Variants in EVI5 observed in about 807,000 individuals in gnomAD.
EVI5 encodes ecotropic viral integration site 5, also known as ecotropic viral integration site 5 protein homolog.
In EVI5, 73 loss-of-function variants were observed where a neutral mutation model predicts 112.0. The ratio of observed to expected loss-of-function variants is 0.65; its 90% CI spans 0.54 to 0.79. EVI5 has a LOEUF of 0.79. EVI5 is among the 30% of genes least tolerant of loss of function. The pLI is 0.00. For missense variants in EVI5, 900 were observed against 968.8 expected (o/e 0.93, Z 0.94); for synonymous variants, 305 against 319.9 (o/e 0.95, Z 0.50).
intron 1 of EVI5, among the ~76,000 whole-genome samples, chr1:92,746,761 G>T (rs912453584): frequency 2.0e-5 from 3 of 151,990 alleles, no homozygotes; most frequent in African/African-American, 7.3e-5. Flanking sequence ...GCCAGGCATG[G>T]TGGCGTGTGT....
At chr1:92,542,339 T>G (rs1664954625) in intron 19 of EVI5, among the ~76,000 whole-genome samples, 1 of 152,180 alleles carries the variant, frequency 6.6e-6, no homozygotes, top group Admixed American at 6.5e-5. Context: ...TTGCAGCAAT[T>G]CAGGCACATC....
chr1:92,529,961 A>G (rs1246523344), intron 19 of EVI5, among the ~76,000 whole-genome samples: 1 of 152,200 alleles, frequency 6.6e-6, no homozygotes, highest in Non-Finnish European at 1.5e-5. Flanking sequence ...ATATATGTAG[A>G]TAAATTTTTT....
intron 1 of EVI5, among the ~76,000 whole-genome samples, chr1:92,770,536 A>G (rs960011432): frequency 1.2e-4 from 19 of 152,202 alleles, no homozygotes; most frequent in African/African-American, 4.6e-4. Flanking sequence ...CACGCCTGTA[A>G]TCCCAGCACT....
At chr1:92,579,970 T>A (rs779925048) in intron 18 of EVI5, among the ~76,000 whole-genome samples, 1 of 152,224 alleles carries the variant, frequency 6.6e-6, no homozygotes, top group Non-Finnish European at 1.5e-5. Flanking sequence ...AAACAATGAC[T>A]CAGGGAGAAG....
intron 14 of EVI5, among the ~76,000 whole-genome samples, chr1:92,627,958 T>G (rs1339070596): frequency 6.6e-6 from 1 of 152,048 alleles, no homozygotes; most frequent in African/African-American, 2.4e-5. Context: ...CTGGCTAATT[T>G]TTTGTATTTT....
intron 10 of EVI5, among the ~76,000 whole-genome samples, chr1:92,669,463 A>C (rs1665471645): frequency 7.0e-6 from 1 of 143,018 alleles, no homozygotes; most frequent in Non-Finnish European, 1.5e-5. Context: ...CAGGAGAATC[A>C]CTTGAATCCA....
intron 1 of EVI5, among the ~76,000 whole-genome samples, chr1:92,771,229 C>T (rs936018830): frequency 6.6e-6 from 1 of 152,028 alleles, no homozygotes; most frequent in Admixed American, 6.6e-5. Context: ...TTTATAGTGG[C>T]TACTCCTTTT....
At chr1:92,590,042 G>C (rs1341078572) in intron 18 of EVI5, among the ~76,000 whole-genome samples, 1 of 152,222 alleles carries the variant, frequency 6.6e-6, no homozygotes, top group Non-Finnish European at 1.5e-5. Context: ...CAACAGACCT[G>C]CAGCTAACGG....
intron 19 of EVI5, among the ~76,000 whole-genome samples, chr1:92,524,987 C>T (rs1661603825): frequency 6.6e-6 from 1 of 151,764 alleles, no homozygotes; most frequent in African/African-American, 2.4e-5. Context: ...ACCACCACAC[C>T]CAGCTAATTT....
At chr1:92,684,582 G>A (rs1379872253) in intron 9 of EVI5, among the ~76,000 whole-genome samples, 7 of 152,116 alleles carry the variant, frequency 4.6e-5, no homozygotes, top group Admixed American at 4.6e-4. Flanking sequence ...TGGGCTAAAT[G>A]CTCCAATTAA....
chr1:92,677,117 T>C (rs760522245), intron 10 of EVI5, 41 bp downstream of exon 10: 1 of 1,228,260 alleles, frequency 8.1e-7, no homozygotes, highest in Non-Finnish European at 1.2e-6. Context: ...CAATAATTGA[T>C]TTCAATCAAT....
At chr1:92,695,249 C>T in intron 7 of EVI5, 61 bp downstream of exon 7, 13 of 1,422,328 alleles carry the variant, frequency 9.1e-6, no homozygotes, top group Non-Finnish European at 1.2e-5. Context: ...CATTGCCCTG[C>T]TCTCACTAAC....
intron 19 of EVI5, among the ~76,000 whole-genome samples, chr1:92,527,206 G>A (rs188700051): frequency 6.6e-6 from 1 of 152,134 alleles, no homozygotes; most frequent in East Asian, 1.9e-4. Flanking sequence ...CTTGAAGTCA[G>A]GAGTTCAAGA....
rs116693976 is a variant in EVI5, at chr1:92,679,168, C to T, written c.1098-1950G>A. Among the ~76,000 whole-genome samples the T allele has an allele frequency of 3.1e-3, 475 of 152,226 alleles. 4 individuals are homozygous for T. The highest frequency in any genetic ancestry group is 0.011 in the African/African-American group (459 of 41,530). ...TTGTGCATGCTGGGGATCTAGGCTG[C>T]GGGCTCCTTATGAGAATCTCATGAC... is the stretch of plus-strand genomic sequence containing the variant. On this transcript the variant is annotated intron_variant, in intron 9 of 19. Coordinates refer to ENST00000684568, the MANE Select transcript of EVI5 (RefSeq NM_001350197.2).
intron 19 of EVI5, among the ~76,000 whole-genome samples, chr1:92,543,923 C>T (rs775951226): frequency 1.5e-4 from 23 of 152,192 alleles, no homozygotes; most frequent in Middle Eastern, 3.4e-3. Flanking sequence ...TTTATTGAGG[C>T]GCAATAAAGC....
At chr1:92,558,081 A>G (rs1301900838) in intron 19 of EVI5, among the ~76,000 whole-genome samples, 1 of 152,108 alleles carries the variant, frequency 6.6e-6, no homozygotes, top group Non-Finnish European at 1.5e-5. Context: ...AGGATCAGGG[A>G]AGTTTAAAAT....
chr1:92,563,558 C>G, intron 19 of EVI5, 84 bp downstream of exon 19: 1 of 617,620 alleles, frequency 1.6e-6, no homozygotes, highest in South Asian at 2.6e-5. Context: ...ATGAAAGTGT[C>G]AGTCTTATAA....
At chr1:92,585,729 C>G (rs1330099579) in intron 18 of EVI5, among the ~76,000 whole-genome samples, 2 of 152,122 alleles carry the variant, frequency 1.3e-5, no homozygotes. Context: ...TACCCTCCCA[C>G]AGTTTCCCCT....
At chr1:92,778,286 AG>A (rs1028402790) in intron 1 of EVI5, among the ~76,000 whole-genome samples, 3 of 152,160 alleles carry the variant, frequency 2.0e-5, no homozygotes, top group Admixed American at 6.5e-5. Context: ...CAAAAGGCTC[AG>A]GAACTGCCAG....
Sources: allele counts gnomAD v4.1 joint callset (sites outside exome capture counted in the v4.1 genomes callset), GRCh38; gene constraint gnomAD v4.1.1; transcripts MANE v1.5; gene names NCBI Gene and HGNC (gene_info 2026-07-23, HGNC 2026-07-21).